The following NIM1K variants were observed in gnomAD, a reference collection of about 807,000 sequenced individuals.
NIM1K encodes serine/threonine-protein kinase NIM1.
A neutral mutation model predicts 37.1 loss-of-function variants in NIM1K; 35 were observed. The ratio of observed to expected loss-of-function variants is 0.94; its 90% CI spans 0.72 to 1.25. The LOEUF is 1.25. NIM1K is among the 50% of genes most tolerant of loss of function. The pLI is 0.00. For synonymous variants in NIM1K, 234 were observed against 206.6 expected, an observed-to-expected ratio of 1.13 and a Z score of -1.14; for missense variants, 564 against 548.0, an observed-to-expected ratio of 1.03 and a Z score of -0.29.
chr5:43,269,267 G>C (rs999392195), intron 2 of NIM1K, among the ~76,000 whole-genome samples: 1 of 120,404 alleles, frequency 8.3e-6, no homozygotes, highest in Non-Finnish European at 1.6e-5. Context: ...CCAAGATTGC[G>C]CCTTGCTCTC....
At chr5:43,208,298 G>GAA (rs5867621) in intron 1 of NIM1K, among the ~76,000 whole-genome samples, 16 of 150,510 alleles carry the variant, frequency 1.1e-4, no homozygotes, top group South Asian at 2.1e-4. Flanking sequence ...ACAAAAGAGA[G>GAA]AAAAAAAAAG....
At chr5:43,193,919 T>C (rs192119953) in intron 1 of NIM1K, among the ~76,000 whole-genome samples, 4 of 152,330 alleles carry the variant, frequency 2.6e-5, no homozygotes, top group African/African-American at 9.6e-5. Flanking sequence ...ATGGTAATAA[T>C]TGAGTTTATG....
chr5:43,237,201 G>A (rs990984323), intron 1 of NIM1K, among the ~76,000 whole-genome samples: 1 of 152,170 alleles, frequency 6.6e-6, no homozygotes, highest in African/African-American at 2.4e-5. Context: ...TCGCCCAGAA[G>A]TTTTGTAAGT....
chr5:43,217,651 G>A (rs1482918318), intron 1 of NIM1K, among the ~76,000 whole-genome samples: 1 of 149,920 alleles, frequency 6.7e-6, no homozygotes, highest in African/African-American at 2.5e-5. Flanking sequence ...CCTTTAATGT[G>A]CTTATTGGCC....
At chr5:43,265,209 T>G (rs1753116620) in intron 2 of NIM1K, among the ~76,000 whole-genome samples, 1 of 152,234 alleles carries the variant, frequency 6.6e-6, no homozygotes, top group Admixed American at 6.5e-5. Flanking sequence ...TCCTGCAGAG[T>G]GTTTTCCAAC....
At chr5:43,228,782 G>T (rs1000511693) in intron 1 of NIM1K, among the ~76,000 whole-genome samples, 20 of 152,092 alleles carry the variant, frequency 1.3e-4, no homozygotes, top group African/African-American at 4.8e-4. Flanking sequence ...AGTGAACTGA[G>T]ATCGTTCCAC....
chr5:43,197,084 C>T (rs953090489), intron 1 of NIM1K, among the ~76,000 whole-genome samples: 2 of 151,050 alleles, frequency 1.3e-5, no homozygotes, highest in Non-Finnish European at 2.9e-5. Flanking sequence ...CCATGCCTGG[C>T]CACTGGTTCT....
intron 2 of NIM1K, among the ~76,000 whole-genome samples, chr5:43,270,030 G>A (rs10462049): frequency 0.013 from 1,905 of 152,296 alleles, 47 homozygotes; most frequent in East Asian, 0.089. Context: ...TTAGAATTTT[G>A]TGTATGGCTG....
chr5:43,231,923 T>C, intron 1 of NIM1K: 1 of 966,900 alleles, frequency 1.0e-6, no homozygotes, highest in East Asian at 3.9e-5. Flanking sequence ...AAAACTCTCC[T>C]TCCTCCCTTC....
intron 1 of NIM1K, among the ~76,000 whole-genome samples, chr5:43,241,643 T>C (rs1467996732): frequency 2.0e-5 from 3 of 151,984 alleles, no homozygotes; most frequent in African/African-American, 7.3e-5. Context: ...TGGCTGGATA[T>C]TGGTATTTTT....
At chr5:43,207,323 C>A in intron 1 of NIM1K, 2 of 768,094 alleles carry the variant, frequency 2.6e-6, no homozygotes, top group Non-Finnish European at 2.4e-6. Flanking sequence ...CAAACTAAAA[C>A]CAAAGATGGT....
chr5:43,202,702 A>G (rs1047421041), intron 1 of NIM1K, among the ~76,000 whole-genome samples: 1 of 152,218 alleles, frequency 6.6e-6, no homozygotes, highest in Non-Finnish European at 1.5e-5. Flanking sequence ...GTAAATTGCC[A>G]TTTGTTTTTG....
At chr5:43,213,331 T>TTTTCTAG (rs1752247956) in intron 1 of NIM1K, among the ~76,000 whole-genome samples, 1 of 137,724 alleles carries the variant, frequency 7.3e-6, no homozygotes, top group African/African-American at 2.7e-5. Flanking sequence ...TTTTCTTTTC[T>TTTTCTAG]TTTCTTTTCT....
chr5:43,257,000 G>T (rs898804943), intron 2 of NIM1K, among the ~76,000 whole-genome samples: 2 of 152,160 alleles, frequency 1.3e-5, no homozygotes, highest in African/African-American at 4.8e-5. Context: ...CAAGTGAGCA[G>T]GGTATTTATG....
intron 1 of NIM1K, among the ~76,000 whole-genome samples, chr5:43,205,982 G>A (rs1157038267): frequency 2.0e-5 from 3 of 152,098 alleles, no homozygotes; most frequent in Admixed American, 2.0e-4. Context: ...AAAGTGCTGG[G>A]ATTACAGGCA....
At chr5:43,264,714 A>C (rs181799553) in intron 2 of NIM1K, among the ~76,000 whole-genome samples, 184 of 152,260 alleles carry the variant, frequency 1.2e-3, no homozygotes, top group South Asian at 3.5e-3. Context: ...TCTCCCTAGC[A>C]TCGATGGTCT....
At chr5:43,255,366 G>T (rs982577089) in intron 2 of NIM1K, among the ~76,000 whole-genome samples, 1 of 152,186 alleles carries the variant, frequency 6.6e-6, no homozygotes, top group Non-Finnish European at 1.5e-5. Context: ...AGCAATCTCT[G>T]TCCTTATGGA....
chr5:43,248,313 G>A (rs547048030), intron 2 of NIM1K, among the ~76,000 whole-genome samples: 31 of 152,292 alleles, frequency 2.0e-4, no homozygotes, highest in African/African-American at 6.7e-4. Flanking sequence ...GACTTTGAAC[G>A]TTATCCAAGG....
intron 2 of NIM1K, among the ~76,000 whole-genome samples, chr5:43,257,315 G>A (rs1752960855): frequency 6.6e-6 from 1 of 151,564 alleles, no homozygotes; most frequent in Middle Eastern, 3.5e-3. Flanking sequence ...TATCTCTTGG[G>A]TTCAAGAGAG....
Sources: allele counts gnomAD v4.1 joint callset (sites outside exome capture counted in the v4.1 genomes callset), GRCh38; gene constraint gnomAD v4.1.1; transcripts MANE v1.5; gene names NCBI Gene and HGNC (gene_info 2026-07-23, HGNC 2026-07-21).